BTBD9: variants seen among roughly 807,000 people sequenced by gnomAD.
BTBD9 encodes BTB domain containing 9.
In BTBD9, 49 loss-of-function variants were observed where a neutral mutation model predicts 64.3. The ratio of observed to expected loss-of-function variants is 0.76; its 90% CI spans 0.61 to 0.97. The LOEUF (loss-of-function observed/expected upper bound fraction) is 0.97. BTBD9 is among the 50% of genes least tolerant of loss of function. The pLI is 0.00. For synonymous variants in BTBD9, 260 were observed against 274.7 expected (o/e 0.95, Z 0.53); for missense variants, 598 against 762.1 (o/e 0.78, Z 2.53).
Position 38,430,513 on chromosome 6 carries a change from GA to G in BTBD9, c.1155-85421del, listed in dbSNP as rs1015437526. 3.6e-4 allele frequency among the ~76,000 whole-genome samples: 50 copies of G among 139,016 alleles called. No homozygotes were observed. In the East Asian group the frequency reaches 5.2e-3, roughly 14 times the overall value. The allele number at this position is 139,016 out of a possible 152,430, so 91.2% of individuals were successfully genotyped here. On this transcript the variant is annotated intron_variant, in intron 6 of 10. Transcript: ENST00000481247. ...GGGCTAGGCATGACCCACCGCAGCT[GA>G]AAAAAAAAAATTTTTTTTTGAGACA...
intron 7 of BTBD9, among the ~76,000 whole-genome samples, chr6:38,321,333 A>AAGGAAAGGTACCCTAC (rs1763223825): frequency 6.6e-6 from 1 of 152,242 alleles, no homozygotes; most frequent in Non-Finnish European, 1.5e-5. Flanking sequence ...GGAGAGAAAG[A>AAGGAAAGGTACCCTAC]AGGAAAGGTA....
intron 8 of BTBD9, among the ~76,000 whole-genome samples, chr6:38,282,654 T>A (rs1282776731): frequency 6.6e-6 from 1 of 152,114 alleles, no homozygotes. Context: ...ATCCCCTCCC[T>A]CCTGCTCCAG....
intron 6 of BTBD9, among the ~76,000 whole-genome samples, chr6:38,490,383 C>T (rs530955028): frequency 1.3e-5 from 2 of 152,230 alleles, no homozygotes; most frequent in African/African-American, 4.8e-5. Flanking sequence ...TGCAGTGGCG[C>T]AATCTCGGCT....
At chr6:38,275,494 A>G (rs938060707) in intron 8 of BTBD9, among the ~76,000 whole-genome samples, 2 of 151,670 alleles carry the variant, frequency 1.3e-5, no homozygotes, top group African/African-American at 4.8e-5. Context: ...CAAAATTGAC[A>G]AATGGGATCT....
At chr6:38,264,518 A>C (rs555114587) in intron 8 of BTBD9, among the ~76,000 whole-genome samples, 1 of 152,328 alleles carries the variant, frequency 6.6e-6, no homozygotes, top group Admixed American at 6.5e-5. Flanking sequence ...CAAACAACAC[A>C]TTAGGGTCCC....
chr6:38,394,041 C>G (rs1766552850), intron 6 of BTBD9, among the ~76,000 whole-genome samples: 1 of 152,128 alleles, frequency 6.6e-6, no homozygotes, highest in African/African-American at 2.4e-5. Context: ...CATCCACTCA[C>G]CCATCTATAC....
At chr6:38,361,779 G>A (rs936156061) in intron 6 of BTBD9, among the ~76,000 whole-genome samples, 2 of 151,838 alleles carry the variant, frequency 1.3e-5, no homozygotes, top group African/African-American at 2.4e-5. Flanking sequence ...GGCAGAATTT[G>A]CAGTGAGCCA....
In BTBD9 at chr6:38,250,875, A is replaced by G. The variant is rs1764369784; in HGVS notation, c.1562+5534T>C. Among the ~76,000 whole-genome samples the G allele has an allele frequency of 2.0e-5, 3 of 150,666 alleles. No individual in the cohort carries two copies. In the South Asian group the frequency reaches 6.4e-4, roughly 32 times the overall value. ...ATCACAAGGTCAGGAGTTCGAGACT[A>G]GCCTGACCAACGTAGGGAAACCCTG... On this transcript the variant is annotated intron_variant, in intron 9 of 10. Transcript: ENST00000481247.
intron 8 of BTBD9, among the ~76,000 whole-genome samples, chr6:38,279,208 TAAG>T (rs1761407248): frequency 6.6e-6 from 1 of 152,074 alleles, no homozygotes; most frequent in African/African-American, 2.4e-5. Flanking sequence ...TGCTTGTTCT[TAAG>T]TAGATATACA....
At chr6:38,577,555 C>A in intron 6 of BTBD9, 45 bp downstream of exon 6, 1 of 1,562,054 alleles carries the variant, frequency 6.4e-7, no homozygotes, top group South Asian at 1.2e-5. Flanking sequence ...GTCCAAATCT[C>A]CTTATATAAG....
intron 9 of BTBD9, among the ~76,000 whole-genome samples, chr6:38,205,483 G>A (rs1019764305): frequency 6.6e-6 from 1 of 151,924 alleles, no homozygotes; most frequent in African/African-American, 2.4e-5. Flanking sequence ...ACAGAATAAA[G>A]AAATTGTCAT....
At chr6:38,319,976 G>T (rs1203518393) in intron 7 of BTBD9, among the ~76,000 whole-genome samples, 1 of 152,126 alleles carries the variant, frequency 6.6e-6, no homozygotes, top group East Asian at 1.9e-4. Context: ...CGACTGCTGG[G>T]ATGGGGGATC....
At chr6:38,585,573 G>C (rs1041235876) in intron 4 of BTBD9, among the ~76,000 whole-genome samples, 1 of 152,154 alleles carries the variant, frequency 6.6e-6, no homozygotes, top group African/African-American at 2.4e-5. Context: ...GCCTCCCAAA[G>C]TGCTGGCATT....
intron 8 of BTBD9, among the ~76,000 whole-genome samples, chr6:38,287,826 CAAAA>C (rs1761805263): frequency 1.3e-5 from 2 of 152,136 alleles, no homozygotes; most frequent in African/African-American, 4.8e-5. Flanking sequence ...CTTCTTAAAA[CAAAA>C]AGGAACAACA....
intron 9 of BTBD9, among the ~76,000 whole-genome samples, chr6:38,222,257 G>GTTTTTTT (rs1156925177): frequency 8.7e-5 from 10 of 114,360 alleles, no homozygotes; most frequent in Non-Finnish European, 1.7e-4. Flanking sequence ...TCATTCAGTT[G>GTTTTTTT]TTTTTTTTTT....
Position 38,427,274 on chromosome 6 carries a change from G to C in BTBD9, c.1155-82181C>G, listed in dbSNP as rs1768211833. Among the ~76,000 whole-genome samples the C allele has an allele frequency of 1.3e-5, 2 of 151,512 alleles. 1 individual carries two copies. The highest frequency in any genetic ancestry group is 4.9e-5 in the African/African-American group (2 of 41,020). ...GGAGGCTCAGGCAGGAGGATTGCTT[G>C]AGCCCAGGAGTTTGAGACCAGCCTG... On this transcript the variant is annotated intron_variant, in intron 6 of 10. Coordinates refer to ENST00000481247, the MANE Select transcript of BTBD9 (RefSeq NM_001099272.2).
intron 6 of BTBD9, among the ~76,000 whole-genome samples, chr6:38,468,528 T>A (rs1277274624): frequency 6.6e-6 from 1 of 152,232 alleles, no homozygotes; most frequent in Non-Finnish European, 1.5e-5. Context: ...AATATGGGCT[T>A]CCTTCCTCTA....
intron 6 of BTBD9, among the ~76,000 whole-genome samples, chr6:38,362,778 T>C (rs552881313): frequency 2.5e-4 from 38 of 152,336 alleles, no homozygotes; most frequent in African/African-American, 9.1e-4. Context: ...AAGTGACAAC[T>C]GTCAGCAGGC....
At position 38,322,829 on chromosome 6, in the gene BTBD9, T is replaced by C. The variant is rs79483940; in HGVS notation, c.1264+22155A>G. Reference sequence around the variant, plus strand: ...CTGCCTTTTAGCTTTTATAGCTTGTTTGACAGTCTCTGGATCTCAGCTTAA... The same window carrying C: ...CTGCCTTTTAGCTTTTATAGCTTGTCTGACAGTCTCTGGATCTCAGCTTAA... On this transcript the variant is annotated intron_variant, in intron 7 of 10. Coordinates refer to ENST00000481247, the MANE Select transcript of BTBD9 (RefSeq NM_001099272.2). Among the ~76,000 whole-genome samples, 807 of 152,348 alleles carry C rather than the reference T, an allele frequency of 5.3e-3. 6 individuals carry two copies. Among genetic ancestry groups the C allele is most frequent in the African/African-American group, 0.018 (748 of 41,580 alleles).
Sources: gnomAD v4.1 joint callset for allele counts (sites outside exome capture counted in the v4.1 genomes callset) on GRCh38, gnomAD v4.1.1 for gene constraint, MANE v1.5 for transcripts, NCBI Gene and HGNC (gene_info 2026-07-23, HGNC 2026-07-21) for gene names.